The following SYT3 variants were observed in gnomAD, a reference collection of about 807,000 sequenced individuals.
The protein encoded by SYT3 is synaptotagmin-3.
Under a neutral mutation model 50.6 loss-of-function variants are expected in SYT3, and 25 were observed. That is an observed-to-expected ratio of 0.49 (90% confidence interval 0.36 to 0.69). The LOEUF (loss-of-function observed/expected upper bound fraction) is 0.69. Ranked by LOEUF, SYT3 falls within the 30% of genes least tolerant of loss-of-function variation. SYT3 has a pLI of 0.00. For missense variants in SYT3, 589 were observed against 793.6 expected (o/e 0.74, Z 3.10); for synonymous variants, 323 against 353.9 (o/e 0.91, Z 0.98).
chr19:50,648,597 C>G, the SYT3 span, among the ~76,000 whole-genome samples: 3 of 152,150 alleles, frequency 2.0e-5, no homozygotes, highest in African/African-American at 7.2e-5. Flanking sequence ...GACCCCAGAC[C>G]CAGAAGTCCA....
At chr19:50,630,320 AGG>A in intron 4 of SYT3, 149 bp from the exon 5 acceptor site, 1 of 745,504 alleles carries the variant, frequency 1.3e-6, no homozygotes, top group Non-Finnish European at 2.0e-6. Context: ...TGTGAGCTTG[AGG>A]AAGCCACTGT....
rs1364042778 is a variant in SYT3, at chr19:50,630,120, C to G, written c.726G>C (p.Pro242=). 3.2e-6 allele frequency: 5 copies of G among 1,571,038 alleles called. No homozygotes were observed. The highest frequency in any genetic ancestry group is 4.3e-6 in the Non-Finnish European group (5 of 1,156,472). ...GTGGCCGCTCCTCACTGCTGGGGTC[C>G]GGCTGGGAGGTCAGAGTCTGCTGGG... The part of the protein sequence containing the change: ...PLTQQTLTSQ[P]DPSSEERPPA... Residue 242 remains proline, a synonymous_variant, in exon 5 of 11, where the codon CCG becomes CCC. Coordinates refer to ENST00000600079, the MANE Select transcript of SYT3 (RefSeq NM_001160329.2).
chr19:50,655,199 T>C, the SYT3 span, among the ~76,000 whole-genome samples: 1 of 152,134 alleles, frequency 6.6e-6, no homozygotes, highest in African/African-American at 2.4e-5. Context: ...ACTCTAGGAT[T>C]GTAGGGGAAG....
chr19:50,652,193 A>G, the SYT3 span, among the ~76,000 whole-genome samples: 3 of 152,168 alleles, frequency 2.0e-5, no homozygotes, highest in African/African-American at 7.2e-5. Flanking sequence ...ACATATTTAA[A>G]TTTCCCTAAT....
At chr19:50,656,721 G>A in the SYT3 span, among the ~76,000 whole-genome samples, 2 of 152,190 alleles carry the variant, frequency 1.3e-5, no homozygotes, top group East Asian at 3.9e-4. Context: ...GGAGGCTGAG[G>A]TGGGTGGATC....
At chr19:50,627,726 C>CAAA (rs36099001) in intron 6 of SYT3, among the ~76,000 whole-genome samples, 1,342 of 96,358 alleles carry the variant, frequency 0.014, 33 homozygotes, top group African/African-American at 0.052. Context: ...GACTCTGTCT[C>CAAA]AAAAAAAAAA....
chr19:50,649,583 CA>C, the SYT3 span: 5 of 1,473,620 alleles, frequency 3.4e-6, no homozygotes, highest in Non-Finnish European at 4.6e-6. Context: ...CCCGGGCTCA[CA>C]GTGTGGCCTT....
In SYT3 at chr19:50,633,561, G is replaced by T. The variant is rs1042718111; in HGVS notation, c.149-750C>A. ...GCAGGGCAGGGTTTAAATCACGCTT[G>T]CTGTGTGGCCTTGGGAACATATCTT... On this transcript the variant is annotated intron_variant, in intron 3 of 10. Coordinates refer to ENST00000600079, the MANE Select transcript of SYT3 (RefSeq NM_001160329.2). Among the ~76,000 whole-genome samples, 18 of 152,176 alleles carry T rather than the reference G, an allele frequency of 1.2e-4. 1 individual carries two copies. The highest frequency in any genetic ancestry group is 4.3e-4 in the African/African-American group (18 of 41,446).
rs1409146403 is a variant in SYT3, at chr19:50,629,879, C to T, written c.967G>A (p.Ala323Thr). Residue 323 changes from alanine to threonine, a missense_variant, in exon 5 of 11, where the codon GCC becomes ACC. Transcript: ENST00000600079. ...GAGTCCTTGGCAGGGAGGTCCAGGGCCTGCAGGATCCTCACCACCAGCTGG... is the reference window on the plus strand; with the variant it reads ...GAGTCCTTGGCAGGGAGGTCCAGGGTCTGCAGGATCCTCACCACCAGCTGG... ...SDQLVVRILQ[A>T]LDLPAKDSNG... 1 of 1,614,106 alleles carries T rather than the reference C, an allele frequency of 6.2e-7. No individual in the cohort carries two copies. Among genetic ancestry groups the T allele is most frequent in the Admixed American group, 1.7e-5 (1 of 60,012 alleles).
chr19:50,655,325 A>G, the SYT3 span, among the ~76,000 whole-genome samples: 17 of 151,474 alleles, frequency 1.1e-4, no homozygotes, highest in Non-Finnish European at 2.1e-4. Context: ...GTGAAGTTCC[A>G]ATCAGGAGAC....
At chr19:50,656,979 A>AGAAG in the SYT3 span, among the ~76,000 whole-genome samples, 5,492 of 144,246 alleles carry the variant, frequency 0.038, 217 homozygotes, top group African/African-American at 0.098. Flanking sequence ...AAAGAAAGAA[A>AGAAG]GAAGGAAGGA....
At chr19:50,647,686 A>G in the SYT3 span, among the ~76,000 whole-genome samples, 1 of 152,110 alleles carries the variant, frequency 6.6e-6, no homozygotes, top group Non-Finnish European at 1.5e-5. Flanking sequence ...CAAACAAAAA[A>G]GGAGGCTGGG....
intron 4 of SYT3, among the ~76,000 whole-genome samples, chr19:50,631,758 A>G (rs1458919231): frequency 6.6e-6 from 1 of 151,518 alleles, no homozygotes; most frequent in Non-Finnish European, 1.5e-5. Context: ...CAACCTGGCT[A>G]CACCAGGACA....
chr19:50,627,350 C>T (rs1201377389), intron 6 of SYT3, among the ~76,000 whole-genome samples: 2 of 152,146 alleles, frequency 1.3e-5, no homozygotes, highest in Admixed American at 6.5e-5. Context: ...GACACAAGGC[C>T]CGACCATCTA....
chr19:50,645,200 G>T, the SYT3 span, among the ~76,000 whole-genome samples: 3 of 152,216 alleles, frequency 2.0e-5, no homozygotes, highest in Non-Finnish European at 2.9e-5. Flanking sequence ...TGGAATTGGA[G>T]GAAAACGCTG....
chr19:50,645,950 A>C, the SYT3 span, among the ~76,000 whole-genome samples: 1 of 152,086 alleles, frequency 6.6e-6, no homozygotes, highest in African/African-American at 2.4e-5. Flanking sequence ...TTCCAGAGAC[A>C]GGTAGAGAGA....
rs1476536850 is a variant in SYT3, at chr19:50,625,696, C to G, written c.1403-132G>C. 21 of 1,400,322 alleles carry G rather than the reference C, an allele frequency of 1.5e-5. No homozygotes were observed. In the South Asian group the frequency reaches 2.4e-4, roughly 16 times the overall value. 86.7% of individuals were successfully genotyped at this position (1,400,322 alleles called of 1,614,324 possible). On this transcript the variant is annotated intron_variant, in intron 7 of 10. Coordinates refer to ENST00000600079, the MANE Select transcript of SYT3 (RefSeq NM_001160329.2). This position sits in a 1 kb window ranked among gnomAD's most constrained non-coding sequence, Gnocchi z 7.5. ...CCCAGGCCCCCAGTCCCTCCTTCCT[C>G]AGGCCCAAGAGTCCAGACCCCAGGT...
chr19:50,649,701 C>T, the SYT3 span: 1 of 710,568 alleles, frequency 1.4e-6, no homozygotes, highest in Non-Finnish European at 2.5e-6. Context: ...TTCCCATGAG[C>T]CTCTGCAGTT....
At chr19:50,623,674 C>G (rs569358614) in intron 9 of SYT3, among the ~76,000 whole-genome samples, 2 of 143,752 alleles carry the variant, frequency 1.4e-5, no homozygotes, top group Non-Finnish European at 3.0e-5. Flanking sequence ...AGGTGGCACA[C>G]GCCTGTAGTC....
Sources: gnomAD v4.1 joint callset for allele counts (sites outside exome capture counted in the v4.1 genomes callset) on GRCh38, gnomAD v4.1.1 for gene constraint, Gnocchi (gnomAD v3.1) non-coding constraint, MANE v1.5 for transcripts, NCBI Gene and HGNC (gene_info 2026-07-23, HGNC 2026-07-21) for gene names.